AHCTF1: variants seen among roughly 807,000 people sequenced by gnomAD.
The protein encoded by AHCTF1 is AT-hook containing transcription factor 1, also known as protein ELYS.
AHCTF1 carries 24 observed loss-of-function variants against 248.4 expected under a neutral mutation model. The ratio of observed to expected loss-of-function variants is 0.10; its 90% CI spans 0.07 to 0.14. AHCTF1 has a LOEUF of 0.14. Among genes scored for constraint, AHCTF1 ranks in the 10% least tolerant of loss-of-function variants. AHCTF1 has a pLI of 1.00. For synonymous variants in AHCTF1, 786 were observed against 929.8 expected (o/e 0.85, Z 2.81); for missense variants, 2,206 against 2,636.2 (o/e 0.84, Z 3.57).
intron 20 of AHCTF1, among the ~76,000 whole-genome samples, chr1:246,885,959 A>G (rs993041984): frequency 4.6e-5 from 7 of 152,166 alleles, no homozygotes; most frequent in Non-Finnish European, 7.3e-5. Context: ...GGCCAAGACA[A>G]GCGGACTGCT....
In AHCTF1 at chr1:246,844,499, C is replaced by T. The variant is rs555623651; in HGVS notation, c.6392-571G>A. Reference sequence around the variant, plus strand: ...ACTTTGGGAGGCTGAGGTAGGAGGACGGCTTAAGGCCAGGAGTTCAAGACT... The same window carrying T: ...ACTTTGGGAGGCTGAGGTAGGAGGATGGCTTAAGGCCAGGAGTTCAAGACT... On this transcript the variant is annotated intron_variant, in intron 33 of 35. Transcript: ENST00000648844. 1.1e-4 allele frequency among the ~76,000 whole-genome samples: 17 copies of T among 152,092 alleles called. No individual in the cohort carries two copies. The South Asian group carries it at 1.9e-3, about 17-fold the overall frequency.
rs778039087 is a variant in AHCTF1, at chr1:246,843,919, A to T, written c.6401T>A (p.Ile2134Lys). The change falls in exon 34 of 36, where the codon ATA becomes AAA. Residue 2134 changes from isoleucine to lysine, a missense_variant. Transcript: ENST00000648844. ...EVPRKAKAKK[I>K]EVPAQLKELV... Reference sequence around the variant, plus strand: ...TTCTTTCAGCTGTGCAGGAACCTCTATTTTTTTAGCTAAAAAAAGTTGAAA... The same window carrying T: ...TTCTTTCAGCTGTGCAGGAACCTCTTTTTTTTTAGCTAAAAAAAGTTGAAA... 1 of 1,457,596 alleles carries T rather than the reference A, an allele frequency of 6.9e-7. No homozygotes were observed. Among genetic ancestry groups the T allele is most frequent in the South Asian group, 1.6e-5 (1 of 60,842 alleles). 90.3% of individuals were successfully genotyped at this position (1,457,596 alleles called of 1,614,324 possible).
intron 4 of AHCTF1, among the ~76,000 whole-genome samples, chr1:246,909,071 A>ATC (rs1665600605): frequency 7.5e-6 from 1 of 133,750 alleles, no homozygotes. Context: ...CTATATCTAT[A>ATC]TATATCTATA....
rs1187197357 is a variant in AHCTF1 at position 246,898,352 on chromosome 1, TAGTA to T, written c.1495-20_1495-17del. On this transcript the variant is annotated splice_polypyrimidine_tract_variant and intron_variant, in intron 11 of 35. Transcript: ENST00000648844. ...AAGTCAAAGTCTGTAACAGATAAAT[TAGTA>T]AGGCATCAATCAATGCTCAATTTGA... is the stretch of plus-strand genomic sequence containing the variant. The T allele has an allele frequency of 6.2e-7, 1 of 1,604,162 alleles. No individual in the cohort carries two copies. Among genetic ancestry groups the T allele is most frequent in the Admixed American group, 1.7e-5 (1 of 58,676 alleles).
chr1:246,907,837 C>T (rs1391494187), intron 4 of AHCTF1, 79 bp from the exon 5 acceptor site: 1 of 1,221,286 alleles, frequency 8.2e-7, no homozygotes, highest in Admixed American at 2.4e-5. Context: ...ATTATTCAAG[C>T]TGCAAATGAA....
intron 32 of AHCTF1, 105 bp downstream of exon 32, chr1:246,852,986 T>C (rs960327447): frequency 2.6e-6 from 2 of 768,078 alleles, no homozygotes; most frequent in South Asian, 4.1e-5. Flanking sequence ...AGTTTTTATA[T>C]AGCAGTCAAA....
At chr1:246,920,163 A>G (rs950803284) in intron 1 of AHCTF1, among the ~76,000 whole-genome samples, 4 of 150,438 alleles carry the variant, frequency 2.7e-5, no homozygotes, top group Admixed American at 2.0e-4. Flanking sequence ...AAAAAAAAAA[A>G]AAAAAGAAAA....
chr1:246,869,859 C>T (rs1246992396), intron 24 of AHCTF1, among the ~76,000 whole-genome samples: 2 of 152,132 alleles, frequency 1.3e-5, no homozygotes, highest in Non-Finnish European at 2.9e-5. Context: ...ACAGTAATCG[C>T]AATTTTCAAG....
At chr1:246,900,649 C>T (rs1429128059) in intron 8 of AHCTF1, among the ~76,000 whole-genome samples, 180 bp from the exon 9 acceptor site, 1 of 152,188 alleles carries the variant, frequency 6.6e-6, no homozygotes, top group African/African-American at 2.4e-5. Context: ...TGCATTTTGA[C>T]TGTTTCTCAA....
chr1:246,894,812 T>C lies in AHCTF1; in HGVS notation c.1715-64A>G. On this transcript the variant is annotated intron_variant, in intron 13 of 35. Transcript: ENST00000648844. Reference sequence around the variant, plus strand: ...TAATTACAAACAGAGTTCTAAATTGTTGGTGGAGAAGCATGGCAGACAGCA... The same window carrying C: ...TAATTACAAACAGAGTTCTAAATTGCTGGTGGAGAAGCATGGCAGACAGCA... The C allele has an allele frequency of 1.4e-6, 2 of 1,423,364 alleles. No homozygotes were observed. The highest frequency in any genetic ancestry group is 2.0e-6 in the Non-Finnish European group (2 of 1,019,700). The allele number at this position is 1,423,364 out of a possible 1,614,324, so 88.2% of individuals were successfully genotyped here.
At chr1:246,855,878 TTA>T in intron 30 of AHCTF1, 51 bp from the exon 31 acceptor site, 1 of 1,401,882 alleles carries the variant, frequency 7.1e-7, no homozygotes, top group Non-Finnish European at 1.0e-6. Context: ...CCCATCTGCT[TTA>T]ACCTGCTTTA....
rs771873406 is a variant in AHCTF1, at chr1:246,900,170, G to A, written c.1327C>T (p.His443Tyr). The part of the protein sequence containing the change: ...LESVVSRTSP[H>Y]GILDILVHER... ...TGTACTAATATATCCAAGATGCCAT[G>A]TGGAGAAGTCCTACTTACAACAGAC... The change falls in exon 10 of 36, where the codon CAT (histidine) becomes TAT (tyrosine). Residue 443 changes from histidine to tyrosine, a missense_variant. Coordinates refer to ENST00000648844, the MANE Select transcript of AHCTF1 (RefSeq NM_001323342.2). The A allele has an allele frequency of 1.2e-6, 2 of 1,610,638 alleles. No homozygotes were observed. The highest frequency in any genetic ancestry group is 1.7e-5 in the Admixed American group (1 of 59,322).
chr1:246,863,512 A>C (rs1441652471), intron 27 of AHCTF1, among the ~76,000 whole-genome samples: 3 of 152,236 alleles, frequency 2.0e-5, no homozygotes, highest in East Asian at 3.8e-4. Context: ...GATAAACCAA[A>C]GTAGCAAGGA....
chr1:246,922,826 C>CA (rs1399093490), intron 1 of AHCTF1, among the ~76,000 whole-genome samples: 13 of 149,316 alleles, frequency 8.7e-5, no homozygotes, highest in Admixed American at 4.7e-4. Flanking sequence ...ACTAAAAATA[C>CA]AAAAAAAATA....
chr1:246,930,840 A>G (rs939888344), intron 1 of AHCTF1, among the ~76,000 whole-genome samples: 1 of 152,210 alleles, frequency 6.6e-6, no homozygotes, highest in African/African-American at 2.4e-5. Flanking sequence ...TCTACAACTG[A>G]CGATTTGGAA....
chr1:246,865,244 A>C (rs1473416326), intron 26 of AHCTF1: 1 of 152,184 alleles, frequency 6.6e-6, no homozygotes, highest in Non-Finnish European at 1.5e-5. Flanking sequence ...CCAAATGCCA[A>C]AGTGGCTCAC....
rs1447750863 is a variant in AHCTF1 at position 246,839,692 on chromosome 1, C to T, written c.*1114G>A. The T allele has an allele frequency of 1.1e-5, 4 of 349,482 alleles. No individual in the cohort carries two copies. The highest frequency in any genetic ancestry group is 1.2e-4 in the South Asian group (1 of 8,686). The allele number at this position is 349,482 out of a possible 1,614,324, so 21.6% of individuals were successfully genotyped here. On this transcript the variant is annotated 3_prime_UTR_variant, in exon 36 of 36. Transcript: ENST00000648844. ...ATATTAAAAGCCCACGAAAGCAGTT[C>T]GTTTCTAGATAATCAATTATTAATA...
At position 246,850,850 on chromosome 1, in the gene AHCTF1, T is replaced by C. The variant is rs1164396835; in HGVS notation, c.5156A>G (p.Gln1719Arg). The C allele has an allele frequency of 6.2e-7, 1 of 1,613,860 alleles. No homozygotes were observed. The highest frequency in any genetic ancestry group is 8.5e-7 in the Non-Finnish European group (1 of 1,179,878). Residue 1719 changes from glutamine (Q) to arginine (R), a missense_variant, in exon 33 of 36, where the codon CAG becomes CGG. Transcript: ENST00000648844. ...KLVKSAFKTA[Q>R]ETSTMTMNVS... ...ATTCATAGTCATTGTGCTTGTTTCC[T>C]GAGCAGTCTTAAATGCAGATTTGAC...
rs1455179090 is a variant in AHCTF1, at chr1:246,899,505, A to G, written c.1440T>C (p.Thr480=). ...FNPSTYNFDA[T]CLLNSGVVHL... ...GAACAACTCCCGAGTTTAACAAACA[A>G]GTGGCATCTAAAAAAAAGATTTAAA... The change falls in exon 11 of 36, where the codon ACT becomes ACC. Residue 480 remains threonine (T), a synonymous_variant. Transcript: ENST00000648844. 6.2e-7 allele frequency: 1 copy of G among 1,608,708 alleles called. No homozygotes were observed. The highest frequency in any genetic ancestry group is 1.3e-5 in the African/African-American group (1 of 74,780).
Sources: allele counts gnomAD v4.1 joint callset (sites outside exome capture counted in the v4.1 genomes callset), GRCh38; gene constraint gnomAD v4.1.1; transcripts MANE v1.5; gene names NCBI Gene and HGNC (gene_info 2026-07-23, HGNC 2026-07-21).